The following LIPJ variants were observed in gnomAD, a reference collection of about 807,000 sequenced individuals.
LIPJ encodes the protein lipase family member J.
Under a neutral mutation model 39.8 loss-of-function variants are expected in LIPJ, and 33 were observed. The observed-to-expected ratio is 0.83, with a 90% confidence interval of 0.63 to 1.11. The LOEUF (loss-of-function observed/expected upper bound fraction) is 1.11. Ranked by LOEUF, LIPJ falls within the 50% of genes least tolerant of loss-of-function variation. The pLI, the probability that LIPJ is intolerant of heterozygous loss-of-function variation, is 0.00. For synonymous variants in LIPJ, 128 were observed against 139.2 expected (o/e 0.92, Z 0.57); for missense variants, 422 against 427.9 (o/e 0.99, Z 0.12).
the LIPJ span, among the ~76,000 whole-genome samples, chr10:88,619,263 G>A: frequency 6.7e-6 from 1 of 150,312 alleles, no homozygotes; most frequent in Non-Finnish European, 1.5e-5. Flanking sequence ...TGTATGGTCT[G>A]GGCAAGTCAC....
intron 4 of LIPJ, chr10:88,593,444 A>G (rs1251940103): frequency 6.6e-6 from 1 of 152,060 alleles, no homozygotes; most frequent in African/African-American, 2.4e-5. Flanking sequence ...TAGTGCCCAT[A>G]CTTACAGGAT....
intron 5 of LIPJ, 28 bp downstream of exon 5, chr10:88,594,172 T>C (rs754237089): frequency 2.4e-5 from 37 of 1,547,992 alleles, no homozygotes; most frequent in Non-Finnish European, 3.3e-5. Flanking sequence ...TAACATTTCA[T>C]TTTATAAGTG....
chr10:88,605,850 T>C, intron 10 of LIPJ, 146 bp downstream of exon 10: 1 of 598,106 alleles, frequency 1.7e-6, no homozygotes, highest in South Asian at 2.2e-5. Flanking sequence ...TTTGGATACG[T>C]ATTGTCACAT....
At chr10:88,583,479 G>A, upstream of LIPJ, 7 of 1,294,286 alleles carry the variant, frequency 5.4e-6, no homozygotes, top group Non-Finnish European at 5.9e-6. Flanking sequence ...GAAAAGCCTG[G>A]AAATGGTGTG....
the LIPJ span, among the ~76,000 whole-genome samples, chr10:88,614,156 G>A: frequency 6.6e-6 from 1 of 151,840 alleles, no homozygotes; most frequent in East Asian, 1.9e-4. Context: ...GATATTAAAT[G>A]TTAAAAATAT....
At chr10:88,602,681 A>T in intron 9 of LIPJ, 34 bp downstream of exon 9, 1 of 1,340,346 alleles carries the variant, frequency 7.5e-7, no homozygotes, top group South Asian at 1.4e-5. Context: ...CATACAATTT[A>T]ATTCATGCTA....
chr10:88,596,378 T>G (rs763916238), exon 7 of LIPJ: 7 of 1,551,376 alleles, frequency 4.5e-6, no homozygotes, highest in Non-Finnish European at 6.1e-6. Context: ...AAAAAGTCCT[T>G]TAATTAGAAT....
At chr10:88,597,996 C>G (rs1314391520) in intron 8 of LIPJ, among the ~76,000 whole-genome samples, 3 of 152,034 alleles carry the variant, frequency 2.0e-5, no homozygotes, top group Non-Finnish European at 4.4e-5. Context: ...AGCTTACACT[C>G]TGGTTTTCTA....
At chr10:88,592,601 G>A (rs1851117706) in intron 4 of LIPJ, 1 of 151,814 alleles carries the variant, frequency 6.6e-6, no homozygotes, top group South Asian at 2.1e-4. Context: ...CTACAGAGGT[G>A]GTCCCACCCT....
At chr10:88,589,807 A>C (rs1034517792) in intron 2 of LIPJ, among the ~76,000 whole-genome samples, 1 of 151,864 alleles carries the variant, frequency 6.6e-6, no homozygotes, top group African/African-American at 2.4e-5. Context: ...TTTAAGTTTT[A>C]TAACAATCCT....
chr10:88,604,475 G>T (rs1462917642), intron 9 of LIPJ, among the ~76,000 whole-genome samples: 1 of 152,174 alleles, frequency 6.6e-6, no homozygotes, highest in East Asian at 1.9e-4. Context: ...TCATCCAAAT[G>T]GGAAATGATG....
chr10:88,593,451 G>A (rs1851149041), intron 4 of LIPJ: 1 of 152,032 alleles, frequency 6.6e-6, no homozygotes, highest in South Asian at 2.1e-4. Flanking sequence ...CATACTTACA[G>A]GATGTCATCT....
At chr10:88,594,703 T>C (rs750970563) in exon 6 of LIPJ, 2 of 1,565,818 alleles carry the variant, frequency 1.3e-6, no homozygotes, top group Non-Finnish European at 1.7e-6. Flanking sequence ...TTCCAGCCTC[T>C]ATTGATTTCA....
chr10:88,620,259 T>C, the LIPJ span, among the ~76,000 whole-genome samples: 1 of 152,032 alleles, frequency 6.6e-6, no homozygotes, highest in Non-Finnish European at 1.5e-5. Context: ...GAATCCAAAA[T>C]AGGATTCTGG....
exon 11 of LIPJ, chr10:88,606,749 G>A (rs766721380): frequency 6.2e-7 from 1 of 1,613,438 alleles, no homozygotes; most frequent in Non-Finnish European, 8.5e-7. Context: ...TGACTTGTTG[G>A]CTGACCCTGA....
At chr10:88,613,800 A>ATATATATATGTGTGTGTG in the LIPJ span, among the ~76,000 whole-genome samples, 81 of 74,134 alleles carry the variant, frequency 1.1e-3, no homozygotes, top group Admixed American at 2.4e-3. Flanking sequence ...ATATATATAT[A>ATATATATATGTGTGTGTG]TGTGTGTGTG....
At position 88,602,605 on chromosome 10, in the gene LIPJ, C is replaced by G. The variant is rs77052269; in HGVS notation, c.753C>G (p.Asn251Lys). 4.4e-3 allele frequency: 5,401 copies of G among 1,217,772 alleles called. 172 individuals are homozygous for G. In the African/African-American group the frequency reaches 0.074, roughly 17 times the overall value. 75.4% of individuals were successfully genotyped at this position (1,217,772 alleles called of 1,614,324 possible). A position where few individuals can be genotyped will look rare whatever the true frequency, so the allele number is the denominator to read the frequency against. ...GTTTGGATGTGTATTTTTCACACAA[C>G]CCAGCAGGAACATCTGTTCAAAATA... is the stretch of plus-strand genomic sequence containing the variant. Residue 251 changes from asparagine (N) to lysine (K), a missense_variant, in exon 9 of 11, where the codon AAC (asparagine) becomes AAG (lysine). Physicochemically the swap from Asn to Lys is moderately conservative, Grantham distance 94. Transcript: ENST00000371939.
chr10:88,588,900 T>G (rs1199321290), intron 2 of LIPJ, among the ~76,000 whole-genome samples: 1 of 151,878 alleles, frequency 6.6e-6, no homozygotes, highest in Non-Finnish European at 1.5e-5. Context: ...TCATTCAGTT[T>G]AAACATTTCC....
intron 10 of LIPJ, 139 bp downstream of exon 10, chr10:88,605,843 G>T: frequency 3.3e-6 from 2 of 606,858 alleles, no homozygotes; most frequent in Non-Finnish European, 5.8e-6. Flanking sequence ...ATGTTTATTT[G>T]GATACGTATT....
Sources: allele counts gnomAD v4.1 joint callset (sites outside exome capture counted in the v4.1 genomes callset), GRCh38; gene constraint gnomAD v4.1.1; transcripts MANE v1.5; gene names NCBI Gene and HGNC (gene_info 2026-07-23, HGNC 2026-07-21).